The following RBMS3 variants were observed in gnomAD, a reference collection of about 807,000 sequenced individuals.
RBMS3 encodes RNA-binding motif, single-stranded-interacting protein 3.
RBMS3 carries 27 observed loss-of-function variants against 66.8 expected under a neutral mutation model. The observed-to-expected ratio is 0.40, with a 90% CI of 0.30 to 0.56. The LOEUF is 0.56. RBMS3 is among the 20% of genes least tolerant of loss of function. RBMS3 has a pLI of 0.40. For missense variants in RBMS3, 513 were observed against 549.5 expected (o/e 0.93, Z 0.66); for synonymous variants, 188 against 183.0 (o/e 1.03, Z -0.22).
At chr3:29,521,821 T>C (rs2044870411) in intron 3 of RBMS3, among the ~76,000 whole-genome samples, 1 of 152,188 alleles carries the variant, frequency 6.6e-6, no homozygotes, top group African/African-American at 2.4e-5. Flanking sequence ...GAGCCATAAT[T>C]TGAATCCAGA....
chr3:29,991,295 G>A, intron 14 of RBMS3, 86 bp downstream of exon 14: 1 of 1,584,238 alleles, frequency 6.3e-7, no homozygotes, highest in Non-Finnish European at 8.6e-7. Context: ...AGCTTTTGCT[G>A]AAATATAAAC....
rs1048818034 is a variant in RBMS3 at position 30,005,848 on chromosome 3, G to A, written c.*1986G>A. On this transcript the variant is annotated 3_prime_UTR_variant, in exon 15 of 15. Transcript: ENST00000383767. ...CTAGTTGACAATCAAGGAACAGTAT[G>A]ATTTATATCAATAAGAACCAAAAGA... 6.6e-6 allele frequency: 1 copy of A among 151,836 alleles called. No individual in the cohort carries two copies. 9.4% of individuals were successfully genotyped at this position (151,836 alleles called of 1,614,324 possible).
intron 4 of RBMS3, among the ~76,000 whole-genome samples, chr3:29,704,459 TA>T (rs1451939555): frequency 6.6e-6 from 1 of 152,202 alleles, no homozygotes; most frequent in African/African-American, 2.4e-5. Flanking sequence ...TTTTTAAAGA[TA>T]AAAACAACCT....
chr3:29,701,599 G>A (rs751687657), intron 4 of RBMS3, among the ~76,000 whole-genome samples: 1 of 152,076 alleles, frequency 6.6e-6, no homozygotes, highest in African/African-American at 2.4e-5. Flanking sequence ...GTGGGAACTG[G>A]GGCTGCGCGC....
intron 4 of RBMS3, chr3:29,616,616 A>T (rs561502494): frequency 2.6e-5 from 4 of 152,288 alleles, no homozygotes; most frequent in African/African-American, 4.8e-5. Flanking sequence ...TTTGTAGCCA[A>T]TTCCTTCCTC....
Position 29,835,965 on chromosome 3 carries a change from G to A in RBMS3, c.638-32893G>A, listed in dbSNP as rs566297957. On this transcript the variant is annotated intron_variant, in intron 6 of 14. Coordinates refer to ENST00000383767, the MANE Select transcript of RBMS3 (RefSeq NM_001003793.3). ...TAGAACAGACACCACAAAAATAAAA[G>A]TATCATAAGAGGCTAATATAAACAA... 2.2e-3 allele frequency among the ~76,000 whole-genome samples: 333 copies of A among 151,794 alleles called. 1 individual carries two copies. The highest frequency in any genetic ancestry group is 7.2e-3 in the African/African-American group (299 of 41,466).
At chr3:29,701,618 C>G (rs558530623) in intron 4 of RBMS3, among the ~76,000 whole-genome samples, 16 of 148,624 alleles carry the variant, frequency 1.1e-4, no homozygotes, top group African/African-American at 3.2e-4. Context: ...GCGTCGTTCA[C>G]GGCCCTGTGT....
chr3:29,398,036 A>T (rs1017747044), intron 1 of RBMS3, among the ~76,000 whole-genome samples: 10 of 152,184 alleles, frequency 6.6e-5, no homozygotes, highest in African/African-American at 2.4e-4. Flanking sequence ...GAAATTATAG[A>T]CATAGCTACT....
At chr3:29,292,511 A>G (rs1001216563) in intron 1 of RBMS3, among the ~76,000 whole-genome samples, 2 of 151,832 alleles carry the variant, frequency 1.3e-5, no homozygotes, top group Non-Finnish European at 2.9e-5. Context: ...CAAGTTAGCT[A>G]TCTACTCTCT....
chr3:29,489,280 T>C (rs769949998), intron 3 of RBMS3, among the ~76,000 whole-genome samples: 7 of 152,104 alleles, frequency 4.6e-5, no homozygotes, highest in Non-Finnish European at 1.5e-5. Context: ...ACAAACATAA[T>C]GTGCACAAGT....
intron 4 of RBMS3, among the ~76,000 whole-genome samples, chr3:29,593,377 C>T (rs2047826966): frequency 6.6e-6 from 1 of 152,094 alleles, no homozygotes. Context: ...AGGCTATTTG[C>T]TATTTATTGG....
At chr3:29,801,972 T>C (rs1489103828) in intron 6 of RBMS3, among the ~76,000 whole-genome samples, 2 of 152,308 alleles carry the variant, frequency 1.3e-5, no homozygotes, top group East Asian at 3.9e-4. Context: ...TTATTGACTT[T>C]TAGGATTAAA....
intron 1 of RBMS3, among the ~76,000 whole-genome samples, chr3:29,411,917 T>C (rs2040281273): frequency 6.6e-6 from 1 of 152,218 alleles, no homozygotes; most frequent in Admixed American, 6.5e-5. Flanking sequence ...TCAAAGGATG[T>C]GAATAAAATA....
At chr3:29,676,273 C>T (rs1015251795) in intron 4 of RBMS3, among the ~76,000 whole-genome samples, 12 of 151,600 alleles carry the variant, frequency 7.9e-5, no homozygotes, top group African/African-American at 2.7e-4. Flanking sequence ...CGGGGCCTGT[C>T]GTGGAGTGGG....
chr3:29,542,424 A>G (rs7638927), intron 3 of RBMS3, among the ~76,000 whole-genome samples: 41,574 of 152,048 alleles, frequency 0.27, 8,257 homozygotes, highest in African/African-American at 0.56. Context: ...ACAATGGTGC[A>G]ATCTCGGCTC....
intron 2 of RBMS3, among the ~76,000 whole-genome samples, chr3:29,481,743 C>T (rs1457096372): frequency 6.6e-6 from 1 of 152,012 alleles, no homozygotes; most frequent in African/African-American, 2.4e-5. Context: ...CATGTGCTTC[C>T]TTGGGGCCTC....
chr3:29,460,789 G>A (rs1404437264), intron 2 of RBMS3, among the ~76,000 whole-genome samples: 1 of 152,218 alleles, frequency 6.6e-6, no homozygotes, highest in Non-Finnish European at 1.5e-5. Flanking sequence ...TGGGAACAGT[G>A]CTAGAGAGGG....
chr3:29,470,359 T>G (rs1458210679), intron 2 of RBMS3, among the ~76,000 whole-genome samples: 1 of 152,032 alleles, frequency 6.6e-6, no homozygotes, highest in Non-Finnish European at 1.5e-5. Flanking sequence ...TCAAAAGAAG[T>G]CTTCAGAAGA....
chr3:29,338,615 T>C (rs2036089559), intron 1 of RBMS3, among the ~76,000 whole-genome samples: 1 of 151,926 alleles, frequency 6.6e-6, no homozygotes, highest in African/African-American at 2.4e-5. Flanking sequence ...TAAATGCTAA[T>C]GTGTGAGTTA....
Sources: allele counts gnomAD v4.1 joint callset (sites outside exome capture counted in the v4.1 genomes callset), GRCh38; gene constraint gnomAD v4.1.1; transcripts MANE v1.5; gene names NCBI Gene and HGNC (gene_info 2026-07-23, HGNC 2026-07-21).